Variants in SMCO1 observed in about 807,000 individuals in gnomAD.
SMCO1 encodes single-pass membrane and coiled-coil domain-containing protein 1.
SMCO1 carries 9 observed loss-of-function variants against 7.5 expected under a neutral mutation model. The observed-to-expected ratio is 1.20, with a 90% CI of 0.72 to 2.09. SMCO1 has a LOEUF of 2.09. Among genes scored for constraint, SMCO1 ranks in the 30% most tolerant of loss-of-function variants. The pLI, the probability that SMCO1 is intolerant of heterozygous loss-of-function variation, is 0.00. For missense variants in SMCO1, 219 were observed against 253.1 expected (o/e 0.87, Z 0.91); for synonymous variants, 90 against 93.8 (o/e 0.96, Z 0.23).
chr3:196,512,020 C>T (rs1176321315), intron 1 of SMCO1, among the ~76,000 whole-genome samples: 1 of 131,532 alleles, frequency 7.6e-6, no homozygotes, highest in Non-Finnish European at 1.6e-5. Context: ...CTACATTGTC[C>T]TTATGAGGGA....
At position 196,507,973 on chromosome 3, in the gene SMCO1, G is replaced by A. The variant is rs1371416437; in HGVS notation, c.559C>T (p.Gln187Ter). 1 of 1,613,940 alleles carries A rather than the reference G, an allele frequency of 6.2e-7. No individual in the cohort carries two copies. The highest frequency in any genetic ancestry group is 8.5e-7 in the Non-Finnish European group (1 of 1,180,028). The change falls in exon 3 of 3, where the codon CAG becomes TAG. Residue 187 changes from glutamine to a stop codon, truncating the protein, a stop_gained. Coordinates refer to ENST00000397537, the MANE Select transcript of SMCO1 (RefSeq NM_001077657.3). LOFTEE classifies it high-confidence loss of function. ...ACTGCTTTCCCCTTCTCAATTACCTGCACAGCCCTCAGCAAACTGTCCTGC... is the reference window on the plus strand; with the variant it reads ...ACTGCTTTCCCCTTCTCAATTACCTACACAGCCCTCAGCAAACTGTCCTGC... The part of the protein sequence containing the change: ...ALQDSLLRAV[Q>*]VIEKGKAVRT...
At chr3:196,512,366 G>A (rs1322544658) in intron 1 of SMCO1, among the ~76,000 whole-genome samples, 1 of 152,128 alleles carries the variant, frequency 6.6e-6, no homozygotes. Flanking sequence ...CTGAGCTTCC[G>A]TATCTCCAGT....
chr3:196,514,484 C>T (rs1733330385), intron 1 of SMCO1, among the ~76,000 whole-genome samples: 1 of 152,150 alleles, frequency 6.6e-6, no homozygotes, highest in Non-Finnish European at 1.5e-5. Flanking sequence ...TTGGTTGATC[C>T]TCCCTTCATG....
intron 1 of SMCO1, among the ~76,000 whole-genome samples, chr3:196,512,574 C>T (rs1488852288): frequency 3.5e-5 from 5 of 144,262 alleles, no homozygotes; most frequent in African/African-American, 8.0e-5. Flanking sequence ...TACAGTGGCA[C>T]GATCCTGGCT....
In SMCO1 at chr3:196,515,143, C is replaced by G. The variant is rs772113824; in HGVS notation, c.50+17G>C. Reference sequence around the variant, plus strand: ...TAGCAGACCCATGCTTGCTCCCTCCCTATAGCCCTCAGCAACCTTTTCATT... The same window carrying G: ...TAGCAGACCCATGCTTGCTCCCTCCGTATAGCCCTCAGCAACCTTTTCATT... On this transcript the variant is annotated intron_variant, in intron 1 of 2. Transcript: ENST00000397537. 6.2e-7 allele frequency: 1 copy of G among 1,613,896 alleles called. No homozygotes were observed. The highest frequency in any genetic ancestry group is 1.7e-5 in the Admixed American group (1 of 60,002).
At chr3:196,515,367 A>T (rs1733360218), upstream of SMCO1, 6 of 614,398 alleles carry the variant, frequency 9.8e-6, no homozygotes, top group Middle Eastern at 3.7e-4. Flanking sequence ...TCAGTACAAG[A>T]AGCTTTTAAT....
intron 1 of SMCO1, among the ~76,000 whole-genome samples, chr3:196,510,269 A>G (rs1260071780): frequency 6.6e-6 from 1 of 152,212 alleles, no homozygotes; most frequent in Non-Finnish European, 1.5e-5. Context: ...TGCCCGGGCT[A>G]TACCTTACGA....
upstream of SMCO1, among the ~76,000 whole-genome samples, chr3:196,517,920 C>T (rs935001541): frequency 1.3e-5 from 2 of 152,168 alleles, no homozygotes; most frequent in African/African-American, 4.8e-5. Context: ...AAGCAGCCCC[C>T]GCAAACATTT....
At chr3:196,515,903 G>C (rs1295361487), upstream of SMCO1, among the ~76,000 whole-genome samples, 1 of 147,856 alleles carries the variant, frequency 6.8e-6, no homozygotes, top group Non-Finnish European at 1.5e-5. Context: ...AGAGGCTGAA[G>C]TGGGAGGACT....
intron 2 of SMCO1, 60 bp downstream of exon 2, chr3:196,509,460 T>C: frequency 2.1e-6 from 3 of 1,419,854 alleles, no homozygotes; most frequent in Non-Finnish European, 2.9e-6. Context: ...AATTTTGCAA[T>C]GACCAGTGGA....
At chr3:196,515,390 C>T (rs1246146232), upstream of SMCO1, 2 of 582,316 alleles carry the variant, frequency 3.4e-6, no homozygotes, top group African/African-American at 3.7e-5. Flanking sequence ...CCTGCAGATC[C>T]AAATATAGTT....
chr3:196,519,244 G>T (rs767826581), upstream of SMCO1, among the ~76,000 whole-genome samples: 1 of 152,206 alleles, frequency 6.6e-6, no homozygotes, highest in Non-Finnish European at 1.5e-5. Context: ...AGGATCTTGT[G>T]ATCTTTTAGG....
At position 196,508,350 on chromosome 3, in the gene SMCO1, GCTT is replaced by G. The variant is rs770038951; in HGVS notation, c.201-22_201-20del. ...AGTGAGCCTACAAAAAATATGGAGA[GCTT>G]CTTAAGCGGTCAAAAATATTTTATA... is the stretch of plus-strand genomic sequence containing the variant. On this transcript the variant is annotated intron_variant, in intron 2 of 2. Coordinates refer to ENST00000397537, the MANE Select transcript of SMCO1 (RefSeq NM_001077657.3). 49 of 1,557,650 alleles carry G rather than the reference GCTT, an allele frequency of 3.1e-5. No homozygotes were observed. Among genetic ancestry groups the G allele is most frequent in the Non-Finnish European group, 4.2e-5 (49 of 1,154,942 alleles).
Position 196,507,781 on chromosome 3 carries a change from T to C in SMCO1, c.*106A>G. The C allele has an allele frequency of 1.5e-6, 1 of 663,104 alleles. No homozygotes were observed. 41.1% of individuals were successfully genotyped at this position (663,104 alleles called of 1,614,324 possible). A position where few individuals can be genotyped will look rare whatever the true frequency, so the allele number is the denominator to read the frequency against. On this transcript the variant is annotated 3_prime_UTR_variant, in exon 3 of 3. Transcript: ENST00000397537. ...ATTTGTCATAATTTATTTAACATCC[T>C]CTCACTCTTTGCTATAAAAATAAGA...
At position 196,508,229 on chromosome 3, in the gene SMCO1, A is replaced by ACCT; in HGVS notation, c.300_302dup (p.Gly101dup). On this transcript the variant is annotated inframe_insertion, in exon 3 of 3. Coordinates refer to ENST00000397537, the MANE Select transcript of SMCO1 (RefSeq NM_001077657.3). ...TGAGTACAGAGGCTAAGGTTGGAAGACCTCTCACCAGGTCTGGCAGCTTCT... is the reference window on the plus strand; with the variant it reads ...TGAGTACAGAGGCTAAGGTTGGAAGACCTCCTCTCACCAGGTCTGGCAGCTTCT... The ACCT allele has an allele frequency of 1.2e-6, 2 of 1,614,104 alleles. No individual in the cohort carries two copies. The highest frequency in any genetic ancestry group is 2.2e-5 in the South Asian group (2 of 91,078).
intron 1 of SMCO1, among the ~76,000 whole-genome samples, chr3:196,514,037 C>T (rs1733320020): frequency 6.6e-6 from 1 of 152,218 alleles, no homozygotes; most frequent in Non-Finnish European, 1.5e-5. Context: ...TCATCTTTCA[C>T]TAGGACCCAA....
chr3:196,518,154 T>C (rs1733428064), upstream of SMCO1, among the ~76,000 whole-genome samples: 2 of 152,218 alleles, frequency 1.3e-5, no homozygotes, highest in Non-Finnish European at 2.9e-5. Context: ...TGCATTTGCA[T>C]AATAAAAGGC....
At chr3:196,519,531 T>A, upstream of SMCO1, among the ~76,000 whole-genome samples, 1 of 152,220 alleles carries the variant, frequency 6.6e-6, no homozygotes, top group Admixed American at 6.5e-5. Context: ...AAAATCGCCA[T>A]TAGGTCCTTA....
At chr3:196,519,478 C>T (rs1170132008), upstream of SMCO1, among the ~76,000 whole-genome samples, 10 of 152,274 alleles carry the variant, frequency 6.6e-5, no homozygotes, top group Non-Finnish European at 5.9e-5. Flanking sequence ...GTAAAATGTC[C>T]TCTGCAGCCA....
Sources: allele counts gnomAD v4.1 joint callset (sites outside exome capture counted in the v4.1 genomes callset), GRCh38; gene constraint gnomAD v4.1.1; transcripts MANE v1.5; gene names NCBI Gene and HGNC (gene_info 2026-07-23, HGNC 2026-07-21).